Variants in VPS13C observed in about 807,000 individuals in gnomAD.
The protein encoded by VPS13C is intermembrane lipid transfer protein VPS13C.
In VPS13C, 358 loss-of-function variants were observed where a neutral mutation model predicts 456.8. That is an observed-to-expected ratio of 0.78 (90% CI 0.72 to 0.86). VPS13C has a LOEUF of 0.86. VPS13C is among the 40% of genes least tolerant of loss of function. The pLI is 0.00. For missense variants in VPS13C, 4,818 were observed against 4,385.4 expected (o/e 1.10, Z -2.79); for synonymous variants, 1,578 against 1,486.7 (o/e 1.06, Z -1.41).
chr15:61,941,789 G>C lies in VPS13C; in HGVS notation c.5427C>G (p.Ile1809Met). ...SLPPVIDKMN[I>M]ELTQLKLSRT... ...TTGACAGCTTCAACTGAGTGAGTTC[G>C]ATGTTCATTTTATCAATGACTGGAG... The change falls in exon 46 of 85, where the codon ATC becomes ATG. Residue 1809 changes from isoleucine (I) to methionine (M), a missense_variant. Ile to Met is a conservative substitution (Grantham distance 10). Coordinates refer to ENST00000644861, the MANE Select transcript of VPS13C (RefSeq NM_020821.3). 2 of 1,612,482 alleles carry C rather than the reference G, an allele frequency of 1.2e-6. No individual in the cohort carries two copies. The highest frequency in any genetic ancestry group is 2.2e-5 in the South Asian group (2 of 90,922).
chr15:61,907,373 A>G lies in VPS13C; in HGVS notation c.8996T>C (p.Met2999Thr), dbSNP rs201446031. 90 of 1,613,952 alleles carry G rather than the reference A, an allele frequency of 5.6e-5. No individual in the cohort carries two copies. The Middle Eastern group carries it at 1.2e-3, about 21-fold the overall frequency. Reference sequence around the variant, plus strand: ...TCGAGCCTGTCTTGGCAGCAAGACCATTTCTTCTGGTGACCCACTAAAACA... The same window carrying G: ...TCGAGCCTGTCTTGGCAGCAAGACCGTTTCTTCTGGTGACCCACTAAAACA... ...TYKQSGSPEE[M>T]VLLPRQARLF... Residue 2999 changes from methionine to threonine, a missense_variant, in exon 66 of 85, where the codon ATG (methionine) becomes ACG (threonine). Physicochemically the swap from Met to Thr is moderately conservative, Grantham distance 81. Transcript: ENST00000644861.
chr15:61,972,697 T>C lies in VPS13C; in HGVS notation c.2685A>G (p.Ser895=). The C allele has an allele frequency of 6.2e-7, 1 of 1,613,564 alleles. No individual in the cohort carries two copies. Among genetic ancestry groups the C allele is most frequent in the Non-Finnish European group, 8.5e-7 (1 of 1,179,766 alleles). Residue 895 remains serine, a synonymous_variant, in exon 27 of 85, where the codon TCA becomes TCG. Coordinates refer to ENST00000644861, the MANE Select transcript of VPS13C (RefSeq NM_020821.3). ...EPQTCKSMKG[S]ELKKAAEVPN... is the part of the protein sequence containing the mutation. ...GGACCTCTGCAGCTTTTTTAAGTTCTGATCCTTTCATACTTTTACAAGTCT... is the reference window on the plus strand; with the variant it reads ...GGACCTCTGCAGCTTTTTTAAGTTCCGATCCTTTCATACTTTTACAAGTCT...
intron 18 of VPS13C, among the ~76,000 whole-genome samples, chr15:61,987,692 G>A (rs1227631449): frequency 6.6e-6 from 1 of 152,138 alleles, no homozygotes; most frequent in African/African-American, 2.4e-5. Context: ...AACCACAGTC[G>A]AGGAACATAT....
At chr15:62,028,076 G>A (rs1264462323) in intron 6 of VPS13C, among the ~76,000 whole-genome samples, 1 of 151,988 alleles carries the variant, frequency 6.6e-6, no homozygotes, top group Non-Finnish European at 1.5e-5. Context: ...GTTATCTGTA[G>A]TTCATATTCT....
At chr15:61,984,765 G>T in intron 19 of VPS13C, 92 bp downstream of exon 19, 1 of 1,243,646 alleles carries the variant, frequency 8.0e-7, no homozygotes, top group Non-Finnish European at 1.1e-6. Context: ...TTAAAGAGCT[G>T]GCACTAATCA....
chr15:61,892,490 T>C (rs921362526), intron 66 of VPS13C, among the ~76,000 whole-genome samples: 1 of 152,124 alleles, frequency 6.6e-6, no homozygotes, highest in African/African-American at 2.4e-5. Flanking sequence ...CAAAGGCAAC[T>C]GCAAAGGACC....
chr15:62,024,172 T>A (rs1239027321), intron 6 of VPS13C, among the ~76,000 whole-genome samples: 2 of 152,106 alleles, frequency 1.3e-5, no homozygotes, highest in African/African-American at 2.4e-5. Flanking sequence ...AATTTCAATA[T>A]TACCAAAATA....
intron 30 of VPS13C, 87 bp from the exon 31 acceptor site, chr15:61,964,948 G>A: frequency 6.4e-6 from 8 of 1,253,892 alleles, no homozygotes; most frequent in South Asian, 4.9e-5. Context: ...TTCTCAGGTG[G>A]GCTTACATCA....
chr15:61,915,202 A>G (rs2043430969), intron 61 of VPS13C, among the ~76,000 whole-genome samples: 1 of 152,222 alleles, frequency 6.6e-6, no homozygotes, highest in African/African-American at 2.4e-5. Context: ...AGAGGAAAGA[A>G]GAGACCAGAG....
intron 74 of VPS13C, among the ~76,000 whole-genome samples, chr15:61,878,372 T>C (rs2140896763): frequency 6.6e-6 from 1 of 152,012 alleles, no homozygotes; most frequent in South Asian, 2.1e-4. Context: ...TCTACATCCA[T>C]GTATTATCTA....
chr15:61,987,792 T>C (rs2046100681), intron 18 of VPS13C, among the ~76,000 whole-genome samples: 6 of 152,184 alleles, frequency 3.9e-5, no homozygotes, highest in Admixed American at 3.3e-4. Context: ...AGTAGGAATA[T>C]AAAATATTAC....
At chr15:61,956,587 A>G (rs192515571) in intron 37 of VPS13C, among the ~76,000 whole-genome samples, 1 of 152,172 alleles carries the variant, frequency 6.6e-6, no homozygotes, top group African/African-American at 2.4e-5. Flanking sequence ...TCATATTCAG[A>G]ATTTTAAAAC....
Position 61,922,522 on chromosome 15 carries a change from G to C in VPS13C, c.6850C>G (p.Gln2284Glu). 6.2e-7 allele frequency: 1 copy of C among 1,614,042 alleles called. No homozygotes were observed. The highest frequency in any genetic ancestry group is 8.5e-7 in the Non-Finnish European group (1 of 1,179,956). Residue 2284 changes from glutamine (Q) to glutamate (E), a missense_variant, in exon 54 of 85, where the codon CAA becomes GAA. Transcript: ENST00000644861. ...CCAAGGCCACATTCTAAGGTAACTT[G>C]AATGGATTCTACAACAACACCACAA... is the stretch of plus-strand genomic sequence containing the variant. ...ENCGVVVESI[Q>E]VTLECGLGHR...
intron 49 of VPS13C, among the ~76,000 whole-genome samples, chr15:61,932,913 G>T (rs965096080): frequency 6.6e-6 from 1 of 152,094 alleles, no homozygotes; most frequent in Non-Finnish European, 1.5e-5. Flanking sequence ...TCCATAATAT[G>T]AAATTCAGAT....
chr15:61,961,092 TAAA>T (rs915589932), intron 35 of VPS13C, among the ~76,000 whole-genome samples: 5 of 147,334 alleles, frequency 3.4e-5, no homozygotes, highest in African/African-American at 1.3e-4. Context: ...AAACACAAAA[TAAA>T]AAACTCTTCT....
chr15:61,893,433 C>G (rs568761912), intron 66 of VPS13C, among the ~76,000 whole-genome samples: 1 of 151,842 alleles, frequency 6.6e-6, no homozygotes, highest in South Asian at 2.1e-4. Context: ...ATCAGATGAA[C>G]AGAAGCTGAA....
At chr15:61,856,829 T>C (rs1395414617) in intron 82 of VPS13C, 2 of 161,652 alleles carry the variant, frequency 1.2e-5, no homozygotes, top group African/African-American at 4.8e-5. Flanking sequence ...CTTGGAAAAT[T>C]ATTAATTGCT....
rs1030125967 is a variant in VPS13C, at chr15:61,963,447, T to C, written c.3331+388A>G. Reference sequence around the variant, plus strand: ...GGAAAGACAAATAAAGACAAATACATAATTATATATAAAAATCATATGAAG... The same window carrying C: ...GGAAAGACAAATAAAGACAAATACACAATTATATATAAAAATCATATGAAG... On this transcript the variant is annotated intron_variant, in intron 32 of 84. Coordinates refer to ENST00000644861, the MANE Select transcript of VPS13C (RefSeq NM_020821.3). Among the ~76,000 whole-genome samples the C allele has an allele frequency of 4.0e-5, 6 of 151,772 alleles. No individual in the cohort carries two copies. The South Asian group carries it at 6.3e-4, about 16-fold the overall frequency.
At chr15:61,972,883 G>T in intron 26 of VPS13C, 119 bp from the exon 27 acceptor site, 1 of 1,100,204 alleles carries the variant, frequency 9.1e-7, no homozygotes, top group Non-Finnish European at 1.3e-6. Context: ...TTCATATTCA[G>T]CATCAGAATA....
Sources: gnomAD v4.1 joint callset for allele counts (sites outside exome capture counted in the v4.1 genomes callset) on GRCh38, gnomAD v4.1.1 for gene constraint, MANE v1.5 for transcripts, NCBI Gene and HGNC (gene_info 2026-07-23, HGNC 2026-07-21) for gene names.